The following CLIP2 variants were observed in gnomAD, a reference collection of about 807,000 sequenced individuals.
The protein encoded by CLIP2 is CAP-Gly domain containing linker protein 2.
CLIP2 carries 41 observed loss-of-function variants against 111.7 expected under a neutral mutation model. The observed-to-expected ratio is 0.37, with a 90% confidence interval of 0.29 to 0.48. The LOEUF (loss-of-function observed/expected upper bound fraction) is 0.48. Among genes scored for constraint, CLIP2 ranks in the 20% least tolerant of loss-of-function variants. CLIP2 has a pLI of 0.99. For missense variants in CLIP2, 1,160 were observed against 1,422.1 expected, an observed-to-expected ratio of 0.82 and a Z score of 2.96; for synonymous variants, 660 against 644.2, an observed-to-expected ratio of 1.02 and a Z score of -0.37.
intron 1 of CLIP2, among the ~76,000 whole-genome samples, chr7:74,311,577 T>C (rs543002194): frequency 6.6e-6 from 1 of 152,310 alleles, no homozygotes; most frequent in African/African-American, 2.4e-5. Context: ...ATTGGGTTGT[T>C]GTCTTCTTAG....
At chr7:74,386,409 TG>T (rs1554314787) in intron 11 of CLIP2, 111 bp from the exon 12 acceptor site, 2 of 778,346 alleles carry the variant, frequency 2.6e-6, no homozygotes, top group Non-Finnish European at 4.1e-6. Context: ...ACTTGGACCC[TG>T]GAGGCCAAGT....
intron 8 of CLIP2, among the ~76,000 whole-genome samples, chr7:74,370,556 C>T (rs1790588427): frequency 1.3e-5 from 2 of 151,936 alleles, no homozygotes; most frequent in Admixed American, 1.3e-4. Flanking sequence ...ATCATCTAGG[C>T]TCTGTAGAGT....
intron 3 of CLIP2, among the ~76,000 whole-genome samples, chr7:74,349,864 G>A (rs1051775830): frequency 3.0e-4 from 46 of 151,604 alleles, no homozygotes; most frequent in Admixed American, 1.2e-3. Context: ...ATCCACCTGC[G>A]TCGGCCTCCC....
At chr7:74,371,546 G>A (rs1426678103) in intron 8 of CLIP2, among the ~76,000 whole-genome samples, 2 of 149,232 alleles carry the variant, frequency 1.3e-5, no homozygotes, top group African/African-American at 4.9e-5. Context: ...GAGAAAGAGA[G>A]AGGGAGGGAC....
Position 74,364,411 on chromosome 7 carries a change from C to A in CLIP2, c.1380+96C>A, listed in dbSNP as rs549634338. Reference sequence around the variant, plus strand: ...GTGAGGTCCAGCAGCACCTCTAGGCCCCCCCGGGGAAGGGGCTGGGGGGGA... The same window carrying A: ...GTGAGGTCCAGCAGCACCTCTAGGCACCCCCGGGGAAGGGGCTGGGGGGGA... On this transcript the variant is annotated intron_variant, in intron 8 of 16. Transcript: ENST00000223398. 39 of 1,092,374 alleles carry A rather than the reference C, an allele frequency of 3.6e-5. 1 individual carries two copies. Among genetic ancestry groups the A allele is most frequent in the South Asian group, 5.6e-5 (4 of 71,784 alleles). 67.7% of individuals were successfully genotyped at this position (1,092,374 alleles called of 1,614,324 possible).
chr7:74,394,437 A>T (rs183274791), intron 13 of CLIP2, among the ~76,000 whole-genome samples: 19 of 151,814 alleles, frequency 1.3e-4, no homozygotes, highest in Non-Finnish European at 2.4e-4. Flanking sequence ...TTTAGTATAG[A>T]TAGGGTTTCT....
chr7:74,363,432 G>A (rs1790389317), intron 7 of CLIP2, among the ~76,000 whole-genome samples: 1 of 152,186 alleles, frequency 6.6e-6, no homozygotes, highest in Non-Finnish European at 1.5e-5. Context: ...TCCACATCCA[G>A]GGGCAGCCCT....
At chr7:74,348,341 T>C (rs1554306786) in intron 3 of CLIP2, among the ~76,000 whole-genome samples, 1 of 151,944 alleles carries the variant, frequency 6.6e-6, no homozygotes, top group African/African-American at 2.4e-5. Context: ...GGACAGTGGA[T>C]GGAAAAAGGC....
chr7:74,386,429 G>A (rs781869841), intron 11 of CLIP2, 92 bp from the exon 12 acceptor site: 20 of 1,016,720 alleles, frequency 2.0e-5, no homozygotes, highest in African/African-American at 1.0e-4. Flanking sequence ...GTGTGACCCC[G>A]TCACAGAGCT....
Position 74,391,588 on chromosome 7 carries a change from G to A in CLIP2, c.2720+2329G>A, listed in dbSNP as rs1791293681. Among the ~76,000 whole-genome samples the A allele has an allele frequency of 2.0e-5, 3 of 152,130 alleles. 1 individual carries two copies. Among genetic ancestry groups the A allele is most frequent in the South Asian group, 4.1e-4 (2 of 4,828 alleles). ...TAATACCAGCACTCTGGGAGGCCAA[G>A]GCAGGCAGATCACTTGAGCTCAGGA... On this transcript the variant is annotated intron_variant, in intron 13 of 16. Transcript: ENST00000223398.
chr7:74,339,858 T>C (rs1256110067), intron 3 of CLIP2, among the ~76,000 whole-genome samples: 1 of 151,384 alleles, frequency 6.6e-6, no homozygotes, highest in African/African-American at 2.4e-5. Flanking sequence ...GAGGCTGAGA[T>C]GGGAGGATCA....
chr7:74,365,021 G>C, intron 8 of CLIP2: 2 of 315,110 alleles, frequency 6.3e-6, no homozygotes, highest in East Asian at 1.7e-4. Context: ...GTGTGTGTGT[G>C]TGTGTGTGTG....
intron 1 of CLIP2, among the ~76,000 whole-genome samples, chr7:74,311,952 G>C (rs1283474432): frequency 6.7e-6 from 1 of 150,032 alleles, no homozygotes; most frequent in Non-Finnish European, 1.5e-5. Flanking sequence ...AAAAAGAAAA[G>C]AATGCAAGTC....
chr7:74,400,885 G>C (rs571275986), intron 15 of CLIP2, among the ~76,000 whole-genome samples: 2 of 151,148 alleles, frequency 1.3e-5, no homozygotes, highest in Admixed American at 6.6e-5. Flanking sequence ...TGATGTGAAG[G>C]GGGAGGCAGC....
At chr7:74,388,849 AGGAGGCTGAGGC>A in intron 12 of CLIP2, 1 of 361,978 alleles carries the variant, frequency 2.8e-6, no homozygotes, top group Non-Finnish European at 4.9e-6. Context: ...CCAGCTACTC[AGGAGGCTGAGGC>A]AGGAGGATTG....
chr7:74,364,993 TTGTGTGTGTGTGTGTGTGTGTGTGTG>T (rs10600630), intron 8 of CLIP2: 110 of 264,912 alleles, frequency 4.2e-4, no homozygotes, highest in East Asian at 5.9e-4. Flanking sequence ...CTGTTTTTTG[TTGTGTGTGTGTGTGTGTGTGTGTGTG>T]TGTGTGTGTG....
At chr7:74,386,955 A>G (rs1176405394) in intron 12 of CLIP2, among the ~76,000 whole-genome samples, 1 of 148,952 alleles carries the variant, frequency 6.7e-6, no homozygotes, top group Non-Finnish European at 1.5e-5. Context: ...CCTGGAAGGC[A>G]GAGCTGCCAG....
intron 1 of CLIP2, among the ~76,000 whole-genome samples, chr7:74,304,839 G>A (rs2116467172): frequency 6.6e-6 from 1 of 152,162 alleles, no homozygotes; most frequent in Admixed American, 6.6e-5. Flanking sequence ...CAACTACTCG[G>A]GAGGCTAAGG....
chr7:74,316,939 A>G (rs1179537549), intron 1 of CLIP2, among the ~76,000 whole-genome samples: 1 of 152,030 alleles, frequency 6.6e-6, no homozygotes, highest in East Asian at 1.9e-4. Context: ...CCCAGGCTGG[A>G]GTGCCCTGGA....
Sources: allele counts gnomAD v4.1 joint callset (sites outside exome capture counted in the v4.1 genomes callset), GRCh38; gene constraint gnomAD v4.1.1; transcripts MANE v1.5; gene names NCBI Gene and HGNC (gene_info 2026-07-23, HGNC 2026-07-21).